Variants in RORA observed in about 807,000 individuals in gnomAD.
The protein encoded by RORA is RAR related orphan receptor A.
A neutral mutation model predicts 69.5 loss-of-function variants in RORA; 7 were observed. That is an observed-to-expected ratio of 0.10 (90% confidence interval 0.06 to 0.19). RORA has a LOEUF of 0.19. RORA is among the 10% of genes least tolerant of loss of function. The pLI, the probability that RORA is intolerant of heterozygous loss-of-function variation, is 1.00. For missense variants in RORA, 457 were observed against 663.0 expected, an observed-to-expected ratio of 0.69 and a Z score of 3.41; for synonymous variants, 261 against 240.8, an observed-to-expected ratio of 1.08 and a Z score of -0.78.
chr15:60,592,476 T>TGCC (rs1409989475), intron 2 of RORA: 20 of 1,353,962 alleles, frequency 1.5e-5, no homozygotes, highest in Middle Eastern at 2.7e-4. Flanking sequence ...GAGCCCCCTC[T>TGCC]GCCGCCGCCG....
At chr15:60,880,475 C>T (rs970283803) in intron 1 of RORA, among the ~76,000 whole-genome samples, 2 of 152,144 alleles carry the variant, frequency 1.3e-5, no homozygotes, top group Non-Finnish European at 2.9e-5. Context: ...CCCATCTCTA[C>T]TAAAAATACA....
chr15:60,579,815 T>C (rs116738977), intron 2 of RORA, among the ~76,000 whole-genome samples: 2 of 152,114 alleles, frequency 1.3e-5, no homozygotes, highest in Non-Finnish European at 1.5e-5. Context: ...GATGTCTACA[T>C]AATCCCCTAT....
At position 60,911,755 on chromosome 15, in the gene RORA, A is replaced by G. The variant is rs1307500556; in HGVS notation, c.167-233069T>C. On this transcript the variant is annotated intron_variant, in intron 1 of 10. Coordinates refer to ENST00000335670, the MANE Select transcript of RORA (RefSeq NM_134261.3). ...CGCACTGTCCCCCAGGCTGGAGTGCAATGGTGCAATTTCGGTTCACTGCAA... is the reference window on the plus strand; with the variant it reads ...CGCACTGTCCCCCAGGCTGGAGTGCGATGGTGCAATTTCGGTTCACTGCAA... 2.7e-5 allele frequency among the ~76,000 whole-genome samples: 4 copies of G among 148,722 alleles called. No homozygotes were observed. The East Asian group carries it at 7.8e-4, about 29-fold the overall frequency.
chr15:60,588,715 G>A (rs1409240925), intron 2 of RORA, among the ~76,000 whole-genome samples: 3 of 152,080 alleles, frequency 2.0e-5, no homozygotes, highest in Non-Finnish European at 4.4e-5. Flanking sequence ...AAGAGCTAAG[G>A]TTTAGATGAC....
At chr15:60,684,461 C>G (rs1183433431) in intron 1 of RORA, among the ~76,000 whole-genome samples, 9 of 151,982 alleles carry the variant, frequency 5.9e-5, no homozygotes, top group Non-Finnish European at 1.3e-4. Flanking sequence ...ACTAAAAATA[C>G]AAAAAATTAG....
intron 5 of RORA, among the ~76,000 whole-genome samples, chr15:60,509,760 T>G (rs994805017): frequency 6.8e-6 from 1 of 146,886 alleles, no homozygotes. Context: ...CAAGATTTCA[T>G]GACAAAAATG....
At chr15:60,812,461 G>A (rs1432350952) in intron 1 of RORA, among the ~76,000 whole-genome samples, 1 of 152,216 alleles carries the variant, frequency 6.6e-6, no homozygotes, top group Non-Finnish European at 1.5e-5. Context: ...AGTCAGCCAT[G>A]ATCATGCCAC....
intron 1 of RORA, among the ~76,000 whole-genome samples, chr15:60,851,540 C>A (rs1393399394): frequency 6.6e-6 from 1 of 152,068 alleles, no homozygotes; most frequent in Non-Finnish European, 1.5e-5. Flanking sequence ...TAGGAGAAAA[C>A]CTGCTACCTC....
intron 1 of RORA, among the ~76,000 whole-genome samples, chr15:60,923,080 T>C (rs984357579): frequency 2.6e-5 from 4 of 152,242 alleles, no homozygotes; most frequent in African/African-American, 9.6e-5. Flanking sequence ...TTTTGCACTT[T>C]GTATCTTTTC....
intron 1 of RORA, among the ~76,000 whole-genome samples, chr15:61,144,081 C>T (rs570234275): frequency 3.3e-5 from 5 of 152,152 alleles, no homozygotes; most frequent in African/African-American, 1.2e-4. Flanking sequence ...AGAACAAGAA[C>T]CTTGTGTAAA....
At chr15:60,890,233 G>A (rs2073798870) in intron 1 of RORA, among the ~76,000 whole-genome samples, 1 of 152,160 alleles carries the variant, frequency 6.6e-6, no homozygotes, top group Non-Finnish European at 1.5e-5. Flanking sequence ...TTTTACATGT[G>A]GGAAAATTGA....
intron 1 of RORA, among the ~76,000 whole-genome samples, chr15:60,766,347 AT>A (rs752696375): frequency 6.6e-5 from 10 of 152,278 alleles, no homozygotes; most frequent in East Asian, 5.8e-4. Context: ...GTAAAAAAAA[AT>A]ATAATAAAGT....
At chr15:60,530,505 G>C (rs1282125293) in intron 3 of RORA, 1 of 152,114 alleles carries the variant, frequency 6.6e-6, no homozygotes, top group Admixed American at 6.6e-5. Context: ...TTTTGAGGGA[G>C]GGCAGATTTT....
intron 1 of RORA, among the ~76,000 whole-genome samples, chr15:61,130,346 T>C (rs1027484685): frequency 3.9e-5 from 6 of 152,158 alleles, no homozygotes; most frequent in African/African-American, 1.4e-4. Flanking sequence ...CACAACCCTC[T>C]CATTTCACAT....
chr15:61,088,419 G>A (rs930724819), intron 1 of RORA, among the ~76,000 whole-genome samples: 2 of 152,318 alleles, frequency 1.3e-5, no homozygotes, highest in African/African-American at 4.8e-5. Flanking sequence ...GAAACGGGAT[G>A]ATTTGTTCCA....
At chr15:61,033,367 G>T (rs1896274815) in intron 1 of RORA, among the ~76,000 whole-genome samples, 1 of 150,350 alleles carries the variant, frequency 6.7e-6, no homozygotes, top group Non-Finnish European at 1.5e-5. Flanking sequence ...GTCCTCACTT[G>T]CAAGCAAAAC....
At chr15:60,714,758 A>G (rs1006215736) in intron 1 of RORA, among the ~76,000 whole-genome samples, 2 of 152,170 alleles carry the variant, frequency 1.3e-5, no homozygotes, top group African/African-American at 4.8e-5. Flanking sequence ...TGCCTTTTCA[A>G]TCTGAAAATA....
At chr15:61,199,883 T>A (rs552916467) in intron 1 of RORA, among the ~76,000 whole-genome samples, 2 of 152,322 alleles carry the variant, frequency 1.3e-5, no homozygotes, top group South Asian at 4.1e-4. Flanking sequence ...CAGAACGAGC[T>A]GTGCCGTGCT....
At chr15:61,050,714 A>T (rs1035706668) in intron 1 of RORA, among the ~76,000 whole-genome samples, 1 of 152,208 alleles carries the variant, frequency 6.6e-6, no homozygotes. Flanking sequence ...TTCTCCTGCG[A>T]TAAGAGTAAG....
Sources: gnomAD v4.1 joint callset for allele counts (sites outside exome capture counted in the v4.1 genomes callset) on GRCh38, gnomAD v4.1.1 for gene constraint, MANE v1.5 for transcripts, NCBI Gene and HGNC (gene_info 2026-07-23, HGNC 2026-07-21) for gene names.